CAMKMT: variants seen among roughly 807,000 people sequenced by gnomAD.
CAMKMT encodes CaM KMT.
A neutral mutation model predicts 48.0 loss-of-function variants in CAMKMT; 53 were observed. The ratio of observed to expected loss-of-function variants is 1.10; its 90% CI spans 0.89 to 1.39. CAMKMT has a LOEUF of 1.39. CAMKMT is among the 40% of genes most tolerant of loss of function. The probability of loss-of-function intolerance (pLI) is 0.00; values close to 1 mark genes in which losing one functional copy is unlikely to be tolerated. For missense variants in CAMKMT, 428 were observed against 402.7 expected (o/e 1.06, Z -0.54); for synonymous variants, 165 against 152.3 (o/e 1.08, Z -0.61).
At chr2:44,687,738 C>A (rs1408735601) in intron 3 of CAMKMT, among the ~76,000 whole-genome samples, 12 of 152,262 alleles carry the variant, frequency 7.9e-5, no homozygotes, top group Non-Finnish European at 1.0e-4. Flanking sequence ...TATATCCTTA[C>A]AGATGCTGTG....
intron 7 of CAMKMT, among the ~76,000 whole-genome samples, chr2:44,731,069 A>G (rs1441571128): frequency 6.6e-6 from 1 of 152,190 alleles, no homozygotes; most frequent in Non-Finnish European, 1.5e-5. Flanking sequence ...AGCCGGGCAC[A>G]GTGGCCCACA....
At chr2:44,739,547 A>ATACC (rs1281684534) in intron 7 of CAMKMT, among the ~76,000 whole-genome samples, 2 of 152,234 alleles carry the variant, frequency 1.3e-5, no homozygotes, top group African/African-American at 4.8e-5. Context: ...ACCCAAGTGG[A>ATACC]AATATTAAAA....
At chr2:44,498,715 A>G (rs1309739710) in intron 3 of CAMKMT, among the ~76,000 whole-genome samples, 1 of 152,224 alleles carries the variant, frequency 6.6e-6, no homozygotes, top group East Asian at 1.9e-4. Context: ...GGAATTGTTG[A>G]TTTCAGTGAT....
chr2:44,422,696 C>T (rs1410786491), intron 3 of CAMKMT, among the ~76,000 whole-genome samples: 1 of 144,834 alleles, frequency 6.9e-6, no homozygotes, highest in Admixed American at 6.9e-5. Context: ...ACATAAATTT[C>T]TTTTTTTTTT....
At chr2:44,740,188 G>C (rs1356918867) in intron 7 of CAMKMT, among the ~76,000 whole-genome samples, 2 of 150,208 alleles carry the variant, frequency 1.3e-5, no homozygotes, top group Non-Finnish European at 3.0e-5. Context: ...GAGTGCAGTG[G>C]CTAGATCATG....
chr2:44,371,254 G>A (rs1286442989), intron 1 of CAMKMT, among the ~76,000 whole-genome samples: 1 of 152,160 alleles, frequency 6.6e-6, no homozygotes, highest in Admixed American at 6.5e-5. Flanking sequence ...CCAAAGTGCT[G>A]GGATTACAGG....
chr2:44,702,448 C>A (rs1385549065), intron 3 of CAMKMT, among the ~76,000 whole-genome samples: 1 of 152,092 alleles, frequency 6.6e-6, no homozygotes, highest in Non-Finnish European at 1.5e-5. Context: ...GTGTTAGGAA[C>A]CATTCTAAAC....
chr2:44,699,834 C>G (rs1399549091), intron 3 of CAMKMT, among the ~76,000 whole-genome samples: 1 of 152,164 alleles, frequency 6.6e-6, no homozygotes, highest in Non-Finnish European at 1.5e-5. Flanking sequence ...TTGGCATCAA[C>G]TTAGTCACCA....
At chr2:44,647,659 A>G (rs1673809139) in intron 3 of CAMKMT, among the ~76,000 whole-genome samples, 1 of 152,078 alleles carries the variant, frequency 6.6e-6, no homozygotes, top group Non-Finnish European at 1.5e-5. Flanking sequence ...TAATCCTAGC[A>G]CTTCGGGAGG....
chr2:44,526,773 C>T (rs1666134759), intron 3 of CAMKMT, among the ~76,000 whole-genome samples: 1 of 152,014 alleles, frequency 6.6e-6, no homozygotes, highest in Admixed American at 6.6e-5. Flanking sequence ...CCAGGCACAC[C>T]CCAAAATAGT....
At chr2:44,731,660 A>G (rs1452225379) in intron 7 of CAMKMT, among the ~76,000 whole-genome samples, 3 of 152,240 alleles carry the variant, frequency 2.0e-5, no homozygotes, top group Non-Finnish European at 4.4e-5. Flanking sequence ...ACTCAAAGCC[A>G]GAATGAAAGG....
intron 3 of CAMKMT, among the ~76,000 whole-genome samples, chr2:44,444,604 G>A (rs760332976): frequency 5.3e-5 from 8 of 152,106 alleles, no homozygotes; most frequent in Non-Finnish European, 8.8e-5. Context: ...AAATTTTATC[G>A]TGGATGTTAA....
At chr2:44,429,895 A>T (rs1157161674) in intron 3 of CAMKMT, among the ~76,000 whole-genome samples, 1 of 151,310 alleles carries the variant, frequency 6.6e-6, no homozygotes, top group Non-Finnish European at 1.5e-5. Context: ...GGGTCTCATT[A>T]TATGATCTTG....
At chr2:44,455,352 C>T (rs1667509127) in intron 3 of CAMKMT, among the ~76,000 whole-genome samples, 1 of 152,068 alleles carries the variant, frequency 6.6e-6, no homozygotes, top group African/African-American at 2.4e-5. Flanking sequence ...TTTCTTTCTG[C>T]TTGCCCTTTG....
intron 3 of CAMKMT, among the ~76,000 whole-genome samples, chr2:44,459,615 A>C (rs1321789580): frequency 6.6e-6 from 1 of 152,226 alleles, no homozygotes; most frequent in Non-Finnish European, 1.5e-5. Context: ...AAATCATTTA[A>C]TCATCACACT....
chr2:44,585,588 A>T (rs188539593), intron 3 of CAMKMT, among the ~76,000 whole-genome samples: 35 of 152,348 alleles, frequency 2.3e-4, no homozygotes, highest in African/African-American at 7.5e-4. Flanking sequence ...AAATAAACTC[A>T]TATGTTGGCA....
intron 3 of CAMKMT, among the ~76,000 whole-genome samples, chr2:44,473,468 A>G (rs1199433317): frequency 4.6e-5 from 7 of 152,246 alleles, no homozygotes; most frequent in Admixed American, 1.3e-4. Context: ...TGTTTAGTAC[A>G]TTTTAGAAAT....
chr2:44,708,112 G>A (rs1677663830), intron 6 of CAMKMT, among the ~76,000 whole-genome samples: 1 of 150,404 alleles, frequency 6.6e-6, no homozygotes. Context: ...AAGAAAGCAA[G>A]CATAAATGTA....
chr2:44,362,005 G>T lies in CAMKMT; in HGVS notation c.-3G>T. On this transcript the variant is annotated 5_prime_UTR_variant, in exon 1 of 11. Transcript: ENST00000378494. The stretch of plus-strand genomic sequence containing the variant: ...ACCTCCGGGTGTGGAAGGCTCCAGT[G>T]AGATGGAGTCGCGAGTCGCGGACGC... 1 of 1,405,936 alleles carries T rather than the reference G, an allele frequency of 7.1e-7. No individual in the cohort carries two copies. Among genetic ancestry groups the T allele is most frequent in the Non-Finnish European group, 9.2e-7 (1 of 1,086,180 alleles). The allele number at this position is 1,405,936 out of a possible 1,614,324, so 87.1% of individuals were successfully genotyped here.
Sources: gnomAD v4.1 joint callset for allele counts (sites outside exome capture counted in the v4.1 genomes callset) on GRCh38, gnomAD v4.1.1 for gene constraint, MANE v1.5 for transcripts, NCBI Gene and HGNC (gene_info 2026-07-23, HGNC 2026-07-21) for gene names.